The following BANK1 variants were observed in gnomAD, a reference collection of about 807,000 sequenced individuals.
BANK1 encodes B cell scaffold protein with ankyrin repeats 1.
BANK1 carries 95 observed loss-of-function variants against 94.5 expected under a neutral mutation model. The ratio of observed to expected loss-of-function variants is 1.00; its 90% confidence interval spans 0.85 to 1.19. The LOEUF is 1.19. BANK1 is among the 50% of genes most tolerant of loss of function. The pLI, the probability that BANK1 is intolerant of heterozygous loss-of-function variation, is 0.00. For synonymous variants in BANK1, 334 were observed against 308.4 expected (o/e 1.08, Z -0.87); for missense variants, 987 against 932.2 (o/e 1.06, Z -0.77).
intron 2 of BANK1, among the ~76,000 whole-genome samples, chr4:101,852,254 T>C (rs1727504910): frequency 6.6e-6 from 1 of 151,744 alleles, no homozygotes; most frequent in East Asian, 1.9e-4. Context: ...AGATACATGT[T>C]CTCAGTCTGC....
chr4:101,993,078 A>T (rs1039956059), intron 7 of BANK1, among the ~76,000 whole-genome samples: 2 of 152,108 alleles, frequency 1.3e-5, no homozygotes, highest in Non-Finnish European at 2.9e-5. Context: ...GTTGGCTCTC[A>T]TGGAGACCAT....
chr4:101,842,364 A>T (rs531384867), intron 2 of BANK1, among the ~76,000 whole-genome samples: 5 of 152,356 alleles, frequency 3.3e-5, no homozygotes, highest in Admixed American at 6.5e-5. Flanking sequence ...TCTAACATTC[A>T]TTAATAAATT....
chr4:101,925,021 G>A (rs575120583), intron 7 of BANK1, among the ~76,000 whole-genome samples: 17 of 151,644 alleles, frequency 1.1e-4, no homozygotes, highest in African/African-American at 4.1e-4. Flanking sequence ...TGACCCTTTT[G>A]ATAAACCTTA....
At chr4:101,981,775 T>G (rs1048828958) in intron 7 of BANK1, 1 of 152,136 alleles carries the variant, frequency 6.6e-6, no homozygotes, top group Non-Finnish European at 1.5e-5. Flanking sequence ...ATACATGATA[T>G]TCAGTGAGTC....
intron 2 of BANK1, among the ~76,000 whole-genome samples, chr4:101,848,106 T>C (rs1426171443): frequency 6.6e-6 from 1 of 152,094 alleles, no homozygotes; most frequent in African/African-American, 2.4e-5. Context: ...GTTAGACACT[T>C]CTCCCGCAAA....
At chr4:101,970,940 C>T (rs1209299323) in intron 7 of BANK1, among the ~76,000 whole-genome samples, 4 of 152,008 alleles carry the variant, frequency 2.6e-5, no homozygotes, top group Admixed American at 6.6e-5. Context: ...GTAACTGGCC[C>T]GTTGTTTGTC....
At chr4:102,058,259 A>T (rs931285995) in intron 11 of BANK1, among the ~76,000 whole-genome samples, 4 of 152,098 alleles carry the variant, frequency 2.6e-5, no homozygotes, top group Admixed American at 6.5e-5. Flanking sequence ...GGGTTGGTTG[A>T]TGTTTATATG....
At chr4:101,886,641 A>G (rs1259186453) in intron 5 of BANK1, among the ~76,000 whole-genome samples, 1 of 152,130 alleles carries the variant, frequency 6.6e-6, no homozygotes, top group Non-Finnish European at 1.5e-5. Context: ...CCTACAATAG[A>G]AACACTTTGA....
chr4:101,841,231 C>T (rs1578349617), intron 2 of BANK1, among the ~76,000 whole-genome samples: 1 of 151,968 alleles, frequency 6.6e-6, no homozygotes, highest in African/African-American at 2.4e-5. Context: ...ATAAAAGAAG[C>T]AGGAAGAAAA....
chr4:101,926,039 C>T (rs73836655), intron 7 of BANK1, among the ~76,000 whole-genome samples: 177 of 151,844 alleles, frequency 1.2e-3, no homozygotes, highest in African/African-American at 4.0e-3. Context: ...AATATTGTTC[C>T]TGGAAATTCT....
intron 1 of BANK1, among the ~76,000 whole-genome samples, chr4:101,800,104 C>T (rs190304583): frequency 1.3e-4 from 15 of 116,992 alleles, no homozygotes; most frequent in East Asian, 2.4e-4. Flanking sequence ...ACGCAGGATG[C>T]GGAACATCAC....
chr4:102,033,398 T>C (rs3774927), intron 10 of BANK1, among the ~76,000 whole-genome samples: 50,731 of 152,060 alleles, frequency 0.33, 8,926 homozygotes, highest in South Asian at 0.45. Context: ...TTTCCTTTCA[T>C]TGATTTATTT....
intron 7 of BANK1, chr4:101,972,391 C>T (rs1724986372): frequency 6.6e-6 from 1 of 152,008 alleles, no homozygotes; most frequent in Non-Finnish European, 1.5e-5. Flanking sequence ...TGCAACTTTA[C>T]TGTATTTGTT....
intron 7 of BANK1, among the ~76,000 whole-genome samples, chr4:101,945,052 A>G (rs1236916146): frequency 6.6e-6 from 1 of 152,010 alleles, no homozygotes; most frequent in African/African-American, 2.4e-5. Context: ...AGTTTACCCA[A>G]GTGCTTATAA....
intron 11 of BANK1, among the ~76,000 whole-genome samples, chr4:102,050,211 T>C (rs1578479582): frequency 6.6e-6 from 1 of 152,324 alleles, no homozygotes; most frequent in East Asian, 1.9e-4. Flanking sequence ...CTGTGCCTTA[T>C]GCCCCTCAGC....
intron 13 of BANK1, among the ~76,000 whole-genome samples, chr4:102,069,623 T>A (rs1252487592): frequency 6.6e-6 from 1 of 152,228 alleles, no homozygotes; most frequent in Admixed American, 6.5e-5. Flanking sequence ...AATGCTTGTG[T>A]TCACACAAAG....
intron 7 of BANK1, among the ~76,000 whole-genome samples, chr4:102,000,231 T>A (rs1424309333): frequency 7.1e-6 from 1 of 141,728 alleles, no homozygotes; most frequent in Non-Finnish European, 1.5e-5. Context: ...GCTGAGGTAG[T>A]AGAATCGCTT....
intron 5 of BANK1, among the ~76,000 whole-genome samples, chr4:101,894,313 T>C (rs543707731): frequency 6.6e-6 from 1 of 152,200 alleles, no homozygotes; most frequent in Admixed American, 6.5e-5. Context: ...CTGGGTTTTG[T>C]TATGCATTAC....
chr4:101,821,101 C>T (rs57236375), intron 1 of BANK1, among the ~76,000 whole-genome samples: 4,092 of 152,262 alleles, frequency 0.027, 193 homozygotes, highest in African/African-American at 0.093. Context: ...TCGACAGCCT[C>T]GCCAGCATCT....
Sources: allele counts gnomAD v4.1 joint callset (sites outside exome capture counted in the v4.1 genomes callset), GRCh38; gene constraint gnomAD v4.1.1; transcripts MANE v1.5; gene names NCBI Gene and HGNC (gene_info 2026-07-23, HGNC 2026-07-21).